Variants in CTTN observed in about 807,000 individuals in gnomAD.
CTTN encodes cortactin.
CTTN carries 28 observed loss-of-function variants against 84.0 expected under a neutral mutation model. The ratio of observed to expected loss-of-function variants is 0.33; its 90% confidence interval spans 0.25 to 0.46. CTTN has a LOEUF of 0.46. Ranked by LOEUF, CTTN falls within the 20% of genes least tolerant of loss-of-function variation. The pLI, the probability that CTTN is intolerant of heterozygous loss-of-function variation, is 1.00. For missense variants in CTTN, 641 were observed against 723.8 expected, an observed-to-expected ratio of 0.89 and a Z score of 1.31; for synonymous variants, 301 against 288.8, an observed-to-expected ratio of 1.04 and a Z score of -0.43.
intron 2 of CTTN, among the ~76,000 whole-genome samples, chr11:70,405,835 A>G (rs571437114): frequency 1.3e-5 from 2 of 152,288 alleles, no homozygotes; most frequent in East Asian, 1.9e-4. Flanking sequence ...CCAGCCCTGC[A>G]GGGACTCCCA....
intron 15 of CTTN, among the ~76,000 whole-genome samples, chr11:70,431,812 C>T (rs1405432594): frequency 5.9e-5 from 9 of 152,086 alleles, no homozygotes; most frequent in African/African-American, 1.2e-4. Flanking sequence ...CCCAGTGTTC[C>T]GTCCCCATCC....
In CTTN at chr11:70,427,195, C is replaced by T. The variant is rs149417917; in HGVS notation, c.1027+1794C>T. Among the ~76,000 whole-genome samples, 21 of 151,994 alleles carry T rather than the reference C, an allele frequency of 1.4e-4. No individual in the cohort carries two copies. The East Asian group carries it at 4.1e-3, about 30-fold the overall frequency. On this transcript the variant is annotated intron_variant, in intron 13 of 17. Transcript: ENST00000301843. ...TGAAACCCTGTCTCTACTAAAGATA[C>T]AAAAAGTAGCTGGGCATGGTGGTCC...
rs769955705 is a variant in CTTN, at chr11:70,431,298, TTGAA to T, written c.1266+22_1266+25del. 66 of 1,612,788 alleles carry T rather than the reference TTGAA, an allele frequency of 4.1e-5. No homozygotes were observed. Among genetic ancestry groups the T allele is most frequent in the Middle Eastern group, 1.7e-4 (1 of 6,060 alleles). The stretch of plus-strand genomic sequence containing the variant: ...TCTATGAGGTTGGTGTCTTTGGTGT[TTGAA>T]TGAGCGTGAGTGACTTACTGCCAGA... On this transcript the variant is annotated intron_variant, in intron 15 of 17. Transcript: ENST00000301843.
intron 7 of CTTN, 198 bp downstream of exon 7, chr11:70,415,915 C>T: frequency 1.7e-6 from 1 of 597,290 alleles, no homozygotes; most frequent in South Asian, 2.0e-5. Flanking sequence ...CATCTGGATA[C>T]CACATGATGG....
Position 70,427,090 on chromosome 11 carries a change from C to T in CTTN, c.1027+1689C>T, listed in dbSNP as rs184417740. On this transcript the variant is annotated intron_variant, in intron 13 of 17. Coordinates refer to ENST00000301843, the MANE Select transcript of CTTN (RefSeq NM_005231.4). The stretch of plus-strand genomic sequence containing the variant: ...CTTGGCCGGGTGTGGTGGCTCATAC[C>T]TGTAATCCCAGCACTCTGGGAGGCC... Among the ~76,000 whole-genome samples the T allele has an allele frequency of 3.8e-3, 579 of 152,056 alleles. 2 individuals carry two copies. Among genetic ancestry groups the T allele is most frequent in the Non-Finnish European group, 6.4e-3 (434 of 67,986 alleles).
intron 9 of CTTN, 54 bp downstream of exon 9, chr11:70,419,910 G>T (rs776840413): frequency 4.6e-5 from 63 of 1,364,768 alleles, no homozygotes; most frequent in East Asian, 2.3e-5. Context: ...GTGACAGGTG[G>T]TAGCCACACC....
At chr11:70,407,097 A>G (rs1009022218) in intron 2 of CTTN, among the ~76,000 whole-genome samples, 1 of 152,180 alleles carries the variant, frequency 6.6e-6, no homozygotes, top group African/African-American at 2.4e-5. Context: ...AGGTGACGGC[A>G]GTGTTAGAAC....
chr11:70,426,405 C>T (rs1181557147), intron 13 of CTTN, among the ~76,000 whole-genome samples: 66 of 144,654 alleles, frequency 4.6e-4, no homozygotes, highest in Non-Finnish European at 8.0e-4. Flanking sequence ...AGCGAGACTC[C>T]GTCTCAAAAA....
Position 70,436,467 on chromosome 11 carries a change from A to G in CTTN, c.*1305A>G. ...TCATCCTTGCTTTACCACAATGAGCAATGAGGTCGGGTTTTATATGCAACT... is the reference window on the plus strand; with the variant it reads ...TCATCCTTGCTTTACCACAATGAGCGATGAGGTCGGGTTTTATATGCAACT... On this transcript the variant is annotated 3_prime_UTR_variant, in exon 18 of 18. Coordinates refer to ENST00000301843, the MANE Select transcript of CTTN (RefSeq NM_005231.4). 6.6e-7 allele frequency: 1 copy of G among 1,504,608 alleles called. No homozygotes were observed. 93.2% of individuals were successfully genotyped at this position (1,504,608 alleles called of 1,614,324 possible). A position where few individuals can be genotyped will look rare whatever the true frequency, so the allele number is the denominator to read the frequency against.
intron 9 of CTTN, 172 bp from the exon 10 acceptor site, chr11:70,420,228 A>G: frequency 3.2e-6 from 2 of 622,928 alleles, no homozygotes; most frequent in African/African-American, 1.8e-5. Flanking sequence ...ATTTCCTGCC[A>G]CTCTCCAAGG....
At chr11:70,402,377 G>A (rs2135546552) in intron 1 of CTTN, among the ~76,000 whole-genome samples, 1 of 152,192 alleles carries the variant, frequency 6.6e-6, no homozygotes, top group East Asian at 1.9e-4. Flanking sequence ...CTCTCCACTG[G>A]TTTTTAGTAT....
At chr11:70,425,957 A>C (rs1324282716) in intron 13 of CTTN, among the ~76,000 whole-genome samples, 1 of 152,196 alleles carries the variant, frequency 6.6e-6, no homozygotes, top group African/African-American at 2.4e-5. Flanking sequence ...CAAGTGCTAA[A>C]TTTAACACAG....
At position 70,435,911 on chromosome 11, in the gene CTTN, C is replaced by G; in HGVS notation, c.*749C>G. ...TGAAATCCTCCCCTGCCCCGCGGGT[C>G]TCTGGATTGGGACGCACAGTGCAGT... On this transcript the variant is annotated 3_prime_UTR_variant, in exon 18 of 18. Coordinates refer to ENST00000301843, the MANE Select transcript of CTTN (RefSeq NM_005231.4). The G allele has an allele frequency of 6.8e-7, 1 of 1,469,284 alleles. No homozygotes were observed. The highest frequency in any genetic ancestry group is 2.5e-5 in the East Asian group (1 of 40,414). The allele number at this position is 1,469,284 out of a possible 1,614,324, so 91.0% of individuals were successfully genotyped here. A position where few individuals can be genotyped will look rare whatever the true frequency, so the allele number is the denominator to read the frequency against.
chr11:70,417,834 T>C (rs943766716), intron 8 of CTTN, among the ~76,000 whole-genome samples: 3 of 152,216 alleles, frequency 2.0e-5, no homozygotes, highest in African/African-American at 7.2e-5. Flanking sequence ...ACCTGTGTTT[T>C]GTTCACAAGT....
At chr11:70,419,114 C>CT (rs66642909) in intron 8 of CTTN, among the ~76,000 whole-genome samples, 104 of 138,938 alleles carry the variant, frequency 7.5e-4, no homozygotes, top group Middle Eastern at 7.5e-3. Flanking sequence ...TTTCTTAATT[C>CT]TTTTTTTTTT....
intron 17 of CTTN, among the ~76,000 whole-genome samples, chr11:70,434,706 C>T (rs111686856): frequency 0.025 from 3,855 of 152,364 alleles, 176 homozygotes; most frequent in African/African-American, 0.088. Context: ...CCTCCACAGA[C>T]ACGTCTGCCA....
At chr11:70,434,960 G>C in intron 17 of CTTN, 66 bp from the exon 18 acceptor site, 1 of 1,573,772 alleles carries the variant, frequency 6.4e-7, no homozygotes, top group Middle Eastern at 1.7e-4. Flanking sequence ...TCTGGGTTGT[G>C]CTTTTTTTCT....
chr11:70,405,663 T>C (rs1263874281), intron 2 of CTTN, among the ~76,000 whole-genome samples: 9 of 151,570 alleles, frequency 5.9e-5, no homozygotes, highest in Admixed American at 5.9e-4. Context: ...AGGCACAGGA[T>C]TGTGAAGCTC....
Position 70,435,202 on chromosome 11 carries a change from A to G in CTTN, c.*40A>G. 1 of 1,557,396 alleles carries G rather than the reference A, an allele frequency of 6.4e-7. No homozygotes were observed. The highest frequency in any genetic ancestry group is 8.6e-7 in the Non-Finnish European group (1 of 1,161,328). ...CCCCGGAGCTGCGCCCTGGATCCTC[A>G]CACTACAGATCAGGCCTTCTTTGGT... On this transcript the variant is annotated 3_prime_UTR_variant, in exon 18 of 18. Coordinates refer to ENST00000301843, the MANE Select transcript of CTTN (RefSeq NM_005231.4).
Sources: allele counts gnomAD v4.1 joint callset (sites outside exome capture counted in the v4.1 genomes callset), GRCh38; gene constraint gnomAD v4.1.1; transcripts MANE v1.5; gene names NCBI Gene and HGNC (gene_info 2026-07-23, HGNC 2026-07-21).